The following WWOX variants were observed in gnomAD, a reference collection of about 807,000 sequenced individuals.
WWOX encodes the protein WW domain containing oxidoreductase.
WWOX carries 69 observed loss-of-function variants against 46.2 expected under a neutral mutation model. The ratio of observed to expected loss-of-function variants is 1.49; its 90% CI spans 1.23 to 1.82. WWOX has a LOEUF of 1.82. Ranked by LOEUF, WWOX falls within the 40% of genes most tolerant of loss-of-function variation. The probability of loss-of-function intolerance (pLI) is 0.00; values close to 1 mark genes in which losing one functional copy is unlikely to be tolerated. For missense variants in WWOX, 919 were observed against 542.6 expected (o/e 1.69, Z -6.89); for synonymous variants, 359 against 202.6 (o/e 1.77, Z -6.56).
intron 5 of WWOX, among the ~76,000 whole-genome samples, chr16:78,274,007 C>G (rs528447832): frequency 6.6e-5 from 10 of 152,298 alleles, no homozygotes; most frequent in African/African-American, 2.2e-4. Context: ...AACCCAGCAT[C>G]TGACTTAAAG....
chr16:79,090,298 TG>T (rs1404510415), intron 8 of WWOX, among the ~76,000 whole-genome samples: 1 of 151,206 alleles, frequency 6.6e-6, no homozygotes, highest in African/African-American at 2.4e-5. Context: ...TGTGTGTGTG[TG>T]TGTGTGTGTG....
In WWOX at chr16:78,620,359, T is replaced by A. The variant is rs147868845; in HGVS notation, c.1056+187607T>A. ...ATTGTGCCTCCTATCAATCAGGTGC[T>A]TAGGTTTGACAAGTTTCCTCCAACA... On this transcript the variant is annotated intron_variant, in intron 8 of 8. Coordinates refer to ENST00000566780, the MANE Select transcript of WWOX (RefSeq NM_016373.4). Among the ~76,000 whole-genome samples, 9 of 152,330 alleles carry A rather than the reference T, an allele frequency of 5.9e-5. No homozygotes were observed. In the East Asian group the frequency reaches 1.7e-3, roughly 29 times the overall value.
chr16:78,573,693 G>A (rs946193893), intron 8 of WWOX, among the ~76,000 whole-genome samples: 1 of 152,190 alleles, frequency 6.6e-6, no homozygotes, highest in East Asian at 1.9e-4. Context: ...ATGGGTAGCA[G>A]GAATGCTGCA....
At chr16:78,843,722 C>T (rs2052222289) in intron 8 of WWOX, among the ~76,000 whole-genome samples, 1 of 152,136 alleles carries the variant, frequency 6.6e-6, no homozygotes, top group Non-Finnish European at 1.5e-5. Flanking sequence ...AGTAAGTCCA[C>T]AAAACAAAGA....
At chr16:78,886,946 T>C (rs942024426) in intron 8 of WWOX, among the ~76,000 whole-genome samples, 1 of 152,088 alleles carries the variant, frequency 6.6e-6, no homozygotes, top group Non-Finnish European at 1.5e-5. Flanking sequence ...AAAGTGAATA[T>C]AAAATTCTTA....
At chr16:78,955,908 A>G (rs1045811576) in intron 8 of WWOX, among the ~76,000 whole-genome samples, 6 of 151,856 alleles carry the variant, frequency 4.0e-5, no homozygotes, top group Non-Finnish European at 8.8e-5. Flanking sequence ...TCAGCCTCCC[A>G]AAGTGCTGAG....
chr16:78,427,051 C>T (rs917129203), intron 7 of WWOX, among the ~76,000 whole-genome samples: 2 of 152,284 alleles, frequency 1.3e-5, no homozygotes, highest in South Asian at 4.1e-4. Context: ...CCCTTGGCTC[C>T]CATGAGTGAG....
chr16:78,799,185 C>A (rs977411959), intron 8 of WWOX, among the ~76,000 whole-genome samples: 1 of 152,154 alleles, frequency 6.6e-6, no homozygotes, highest in African/African-American at 2.4e-5. Context: ...ATTTAAAACT[C>A]TGCCTTTCTA....
intron 8 of WWOX, among the ~76,000 whole-genome samples, chr16:78,889,961 C>T (rs2044552185): frequency 6.6e-6 from 1 of 152,126 alleles, no homozygotes; most frequent in Admixed American, 6.6e-5. Flanking sequence ...TCTTATGTCT[C>T]TTCTTTCAGA....
At chr16:78,897,487 T>C (rs1377211413) in intron 8 of WWOX, 2 of 152,148 alleles carry the variant, frequency 1.3e-5, no homozygotes, top group East Asian at 1.9e-4. Flanking sequence ...TTCATCCATG[T>C]TGATGGGTGT....
intron 6 of WWOX, among the ~76,000 whole-genome samples, chr16:78,420,295 T>C (rs2082892683): frequency 6.6e-6 from 1 of 152,158 alleles, no homozygotes. Context: ...AAAACATGCA[T>C]TTCCATAGCA....
intron 8 of WWOX, among the ~76,000 whole-genome samples, chr16:79,025,557 G>A (rs1215585638): frequency 6.6e-6 from 1 of 152,058 alleles, no homozygotes; most frequent in East Asian, 1.9e-4. Context: ...GGCACCCCCA[G>A]ATACCAGGAG....
At chr16:78,893,919 C>A (rs928955928) in intron 8 of WWOX, among the ~76,000 whole-genome samples, 3 of 152,022 alleles carry the variant, frequency 2.0e-5, no homozygotes, top group African/African-American at 7.2e-5. Flanking sequence ...GCAATATTTT[C>A]CTTGACAGAT....
chr16:79,007,267 A>G (rs1223059443), intron 8 of WWOX, among the ~76,000 whole-genome samples: 1 of 152,182 alleles, frequency 6.6e-6, no homozygotes, highest in African/African-American at 2.4e-5. Context: ...AGAATAACAA[A>G]GGGAGGGACT....
rs1555519194 is a variant in WWOX, at chr16:78,321,362, A to ATATATACG, written c.517-65492_517-65491insCGTATATA. 1.6e-3 allele frequency among the ~76,000 whole-genome samples: 95 copies of ATATATACG among 58,566 alleles called. 6 individuals are homozygous for ATATATACG. The highest frequency in any genetic ancestry group is 7.7e-3 in the African/African-American group (90 of 11,694). The allele number at this position is 58,566 out of a possible 152,430, so 38.4% of individuals were successfully genotyped here. On this transcript the variant is annotated intron_variant, in intron 5 of 8. Coordinates refer to ENST00000566780, the MANE Select transcript of WWOX (RefSeq NM_016373.4). ...CGTATATATATACGTATATATGCGT[A>ATATATACG]TATATATACGTATATATGCGTATAT... is the stretch of plus-strand genomic sequence containing the variant.
At chr16:78,398,862 A>G (rs1754259049) in intron 6 of WWOX, among the ~76,000 whole-genome samples, 1 of 152,258 alleles carries the variant, frequency 6.6e-6, no homozygotes, top group African/African-American at 2.4e-5. Context: ...AAAAAAGTGA[A>G]TTTTAACCTG....
intron 8 of WWOX, among the ~76,000 whole-genome samples, chr16:78,592,887 G>A (rs963993412): frequency 1.6e-4 from 25 of 152,072 alleles, no homozygotes; most frequent in African/African-American, 5.1e-4. Context: ...GCATGAAAAC[G>A]AAAAGGTGGA....
At chr16:78,684,808 T>C (rs2142245098) in intron 8 of WWOX, among the ~76,000 whole-genome samples, 1 of 152,274 alleles carries the variant, frequency 6.6e-6, no homozygotes, top group South Asian at 2.1e-4. Flanking sequence ...TCCCATATGT[T>C]TCAGTGAAGC....
intron 8 of WWOX, among the ~76,000 whole-genome samples, chr16:78,862,953 T>C (rs2043922865): frequency 6.8e-6 from 1 of 147,656 alleles, no homozygotes; most frequent in Non-Finnish European, 1.5e-5. Flanking sequence ...ATGGTGGTTA[T>C]GCCAAGTTTT....
Sources: allele counts gnomAD v4.1 joint callset (sites outside exome capture counted in the v4.1 genomes callset), GRCh38; gene constraint gnomAD v4.1.1; transcripts MANE v1.5; gene names NCBI Gene and HGNC (gene_info 2026-07-23, HGNC 2026-07-21).